OPCML: variants seen among roughly 807,000 people sequenced by gnomAD.
OPCML encodes opioid binding protein/cell adhesion molecule like, also known as opioid-binding protein/cell adhesion molecule.
Under a neutral mutation model 37.8 loss-of-function variants are expected in OPCML, and 13 were observed. That is an observed-to-expected ratio of 0.34 (90% confidence interval 0.22 to 0.55). The LOEUF is 0.55. Among genes scored for constraint, OPCML ranks in the 20% least tolerant of loss-of-function variants. The pLI is 0.91. For synonymous variants in OPCML, 176 were observed against 168.8 expected, an observed-to-expected ratio of 1.04 and a Z score of -0.33; for missense variants, 341 against 435.6, an observed-to-expected ratio of 0.78 and a Z score of 1.93.
At chr11:133,012,101 C>A (rs1947229857) in intron 1 of OPCML, among the ~76,000 whole-genome samples, 1 of 152,062 alleles carries the variant, frequency 6.6e-6, no homozygotes, top group Non-Finnish European at 1.5e-5. Context: ...GGACATTGGG[C>A]AATGCCTGAA....
In OPCML at chr11:133,071,361, C is replaced by T. The variant is rs143546038; in HGVS notation, c.62-128351G>A. Among the ~76,000 whole-genome samples the T allele has an allele frequency of 3.3e-3, 509 of 152,272 alleles. 5 individuals are homozygous for T. Among genetic ancestry groups the T allele is most frequent in the African/African-American group, 0.011 (471 of 41,552 alleles). On this transcript the variant is annotated intron_variant, in intron 1 of 7. Coordinates refer to ENST00000524381, the MANE Select transcript of OPCML (RefSeq NM_001012393.5). ...GTGTGGTGGGGGTGATTGTGTAAAACATATAGATGAGACCCTTTCTCACAA... is the reference window on the plus strand; with the variant it reads ...GTGTGGTGGGGGTGATTGTGTAAAATATATAGATGAGACCCTTTCTCACAA...
At position 132,420,157 on chromosome 11, in the gene OPCML, G is replaced by A. The variant is rs771344546; in HGVS notation, c.*36C>T. On this transcript the variant is annotated 3_prime_UTR_variant, in exon 8 of 8. Coordinates refer to ENST00000524381, the MANE Select transcript of OPCML (RefSeq NM_001012393.5). ...TGTAGATTAAAGTCTGTGATATGGA[G>A]AAGCAGGCGTTGCTCAGAGGACCTA... 5.1e-6 allele frequency: 8 copies of A among 1,580,784 alleles called. No individual in the cohort carries two copies. Among genetic ancestry groups the A allele is most frequent in the African/African-American group, 1.4e-5 (1 of 74,018 alleles).
At chr11:133,497,471 C>A (rs1158037222) in intron 1 of OPCML, among the ~76,000 whole-genome samples, 1 of 152,134 alleles carries the variant, frequency 6.6e-6, no homozygotes, top group Non-Finnish European at 1.5e-5. Flanking sequence ...CTGGTCCCCC[C>A]CGATTCACTT....
chr11:133,365,975 C>A lies in OPCML; in HGVS notation c.61+166289G>T, dbSNP rs969965427. The stretch of plus-strand genomic sequence containing the variant: ...ATGGTTGGTCCTTGGGATGGGGCAC[C>A]TGCTGCCCCAAACAATGGCTCCTCT... On this transcript the variant is annotated intron_variant, in intron 1 of 7. Transcript: ENST00000524381. 8.5e-5 allele frequency: 13 copies of A among 152,320 alleles called. No individual in the cohort carries two copies. The South Asian group carries it at 2.5e-3, about 29-fold the overall frequency. The allele number at this position is 152,320 out of a possible 1,614,324, so 9.4% of individuals were successfully genotyped here. A position where few individuals can be genotyped will look rare whatever the true frequency, so the allele number is the denominator to read the frequency against.
At chr11:133,167,531 T>A (rs1950226445) in intron 1 of OPCML, among the ~76,000 whole-genome samples, 1 of 151,788 alleles carries the variant, frequency 6.6e-6, no homozygotes, top group Non-Finnish European at 1.5e-5. Context: ...CTTTCTCTTT[T>A]TTTTTTTTTT....
At chr11:132,501,405 G>T (rs2096245297) in intron 4 of OPCML, among the ~76,000 whole-genome samples, 1 of 152,182 alleles carries the variant, frequency 6.6e-6, no homozygotes, top group South Asian at 2.1e-4. Flanking sequence ...TATCTAAGTG[G>T]ATTCCTGGTC....
intron 1 of OPCML, among the ~76,000 whole-genome samples, chr11:133,430,498 A>C (rs989874756): frequency 6.6e-6 from 1 of 152,224 alleles, no homozygotes. Context: ...GTGAATAACT[A>C]TCTAATGTTG....
chr11:132,530,340 C>T (rs991632043), intron 3 of OPCML, among the ~76,000 whole-genome samples: 1 of 152,012 alleles, frequency 6.6e-6, no homozygotes, highest in Admixed American at 6.6e-5. Context: ...CTCCTAGATT[C>T]CTTCTCACCT....
At chr11:133,330,364 C>T (rs1235150388) in intron 1 of OPCML, among the ~76,000 whole-genome samples, 1 of 152,168 alleles carries the variant, frequency 6.6e-6, no homozygotes, top group African/African-American at 2.4e-5. Context: ...ATAAATCATG[C>T]TGCTATAAAG....
At chr11:132,912,089 C>T (rs918943843) in intron 2 of OPCML, among the ~76,000 whole-genome samples, 1 of 151,904 alleles carries the variant, frequency 6.6e-6, no homozygotes, top group Non-Finnish European at 1.5e-5. Context: ...GCATCCTATA[C>T]AGCAACTCAT....
chr11:133,161,983 G>GTTTTTT (rs1592061925), intron 1 of OPCML, among the ~76,000 whole-genome samples: 12 of 77,996 alleles, frequency 1.5e-4, no homozygotes, highest in African/African-American at 3.1e-4. Flanking sequence ...GGCAGTCTCT[G>GTTTTTT]TCTTTTTTTT....
intron 1 of OPCML, among the ~76,000 whole-genome samples, chr11:133,399,588 C>T (rs78333189): frequency 0.041 from 6,195 of 152,076 alleles, 442 homozygotes; most frequent in African/African-American, 0.14. Flanking sequence ...GGGCATTCAG[C>T]GAACAACACA....
At chr11:132,424,373 C>A (rs982833656) in intron 7 of OPCML, among the ~76,000 whole-genome samples, 1 of 152,266 alleles carries the variant, frequency 6.6e-6, no homozygotes, top group East Asian at 1.9e-4. Flanking sequence ...CCCACCTCAG[C>A]CTCCCAAAGT....
At chr11:132,623,809 T>C (rs1939573159) in intron 3 of OPCML, among the ~76,000 whole-genome samples, 2 of 152,228 alleles carry the variant, frequency 1.3e-5, no homozygotes, top group Admixed American at 1.3e-4. Context: ...CTTACTCTTT[T>C]GCTTAAAAAA....
At chr11:132,513,997 T>A (rs573138219) in intron 4 of OPCML, among the ~76,000 whole-genome samples, 1 of 152,310 alleles carries the variant, frequency 6.6e-6, no homozygotes, top group Non-Finnish European at 1.5e-5. Flanking sequence ...CATGAATAAA[T>A]AAATAATTGA....
At chr11:133,487,288 C>T (rs924626269) in intron 1 of OPCML, among the ~76,000 whole-genome samples, 1 of 152,106 alleles carries the variant, frequency 6.6e-6, no homozygotes, top group African/African-American at 2.4e-5. Context: ...GAAAATACTT[C>T]ATCTTGCAGC....
chr11:132,983,777 C>T lies in OPCML; in HGVS notation c.62-40767G>A, dbSNP rs539331418. On this transcript the variant is annotated intron_variant, in intron 1 of 7. Coordinates refer to ENST00000524381, the MANE Select transcript of OPCML (RefSeq NM_001012393.5). ...CATTTTTAAAATAAAAATATCAGCA[C>T]ATCTTGCCCACATATGGCTATGTGT... 5.3e-5 allele frequency among the ~76,000 whole-genome samples: 8 copies of T among 152,310 alleles called. No individual in the cohort carries two copies. The East Asian group carries it at 1.2e-3, about 22-fold the overall frequency.
At chr11:132,775,126 GA>G (rs1478514999) in intron 2 of OPCML, among the ~76,000 whole-genome samples, 1 of 152,182 alleles carries the variant, frequency 6.6e-6, no homozygotes, top group Non-Finnish European at 1.5e-5. Context: ...CTTGCTAAGT[GA>G]AGATAAATTG....
rs116688265 is a variant in OPCML, at chr11:133,032,400, T to C, written c.62-89390A>G. On this transcript the variant is annotated intron_variant, in intron 1 of 7. Coordinates refer to ENST00000524381, the MANE Select transcript of OPCML (RefSeq NM_001012393.5). Reference sequence around the variant, plus strand: ...ACTTTATTGGTGGGCTCAGTCTTCATCCAGAATGTGTAGTCTATCCCAGCT... The same window carrying C: ...ACTTTATTGGTGGGCTCAGTCTTCACCCAGAATGTGTAGTCTATCCCAGCT... Among the ~76,000 whole-genome samples, 212 of 152,266 alleles carry C rather than the reference T, an allele frequency of 1.4e-3. 1 individual carries two copies. The highest frequency in any genetic ancestry group is 5.0e-3 in the African/African-American group (206 of 41,558).
Sources: allele counts gnomAD v4.1 joint callset (sites outside exome capture counted in the v4.1 genomes callset), GRCh38; gene constraint gnomAD v4.1.1; transcripts MANE v1.5; gene names NCBI Gene and HGNC (gene_info 2026-07-23, HGNC 2026-07-21).